The following EBF1 variants were observed in gnomAD, a reference collection of about 807,000 sequenced individuals.
EBF1 encodes EBF transcription factor 1, also known as transcription factor COE1.
A neutral mutation model predicts 68.4 loss-of-function variants in EBF1; 10 were observed. That is an observed-to-expected ratio of 0.15 (90% CI 0.09 to 0.25). The LOEUF (loss-of-function observed/expected upper bound fraction) is 0.25. Ranked by LOEUF, EBF1 falls within the 10% of genes least tolerant of loss-of-function variation. EBF1 has a pLI of 1.00. For synonymous variants in EBF1, 298 were observed against 299.8 expected (o/e 0.99, Z 0.06); for missense variants, 509 against 794.4 (o/e 0.64, Z 4.32).
At chr5:158,762,372 C>T (rs1160056561) in intron 10 of EBF1, among the ~76,000 whole-genome samples, 1 of 152,176 alleles carries the variant, frequency 6.6e-6, no homozygotes, top group Non-Finnish European at 1.5e-5. Flanking sequence ...CTACTCATTA[C>T]CTGTAGCATC....
chr5:158,702,583 G>A (rs755687459), intron 15 of EBF1, among the ~76,000 whole-genome samples: 1 of 151,844 alleles, frequency 6.6e-6, no homozygotes, highest in South Asian at 2.1e-4. Flanking sequence ...TGAGAGGGTG[G>A]AATGTGGTCG....
intron 6 of EBF1, among the ~76,000 whole-genome samples, chr5:158,866,025 C>T (rs77787084): frequency 0.021 from 3,210 of 152,268 alleles, 121 homozygotes; most frequent in African/African-American, 0.073. Context: ...ATCAAACTCA[C>T]ACAATGTTAG....
intron 6 of EBF1, among the ~76,000 whole-genome samples, chr5:158,939,023 G>A (rs1041994991): frequency 6.6e-6 from 1 of 152,200 alleles, no homozygotes; most frequent in Admixed American, 6.5e-5. Flanking sequence ...CAGTCTCCAG[G>A]AGAGCAAGAG....
intron 6 of EBF1, among the ~76,000 whole-genome samples, chr5:158,963,446 G>C (rs1753458831): frequency 6.6e-6 from 1 of 152,214 alleles, no homozygotes; most frequent in African/African-American, 2.4e-5. Flanking sequence ...TTCAAGCTTA[G>C]AGAATACTCC....
At chr5:158,714,029 T>G in intron 12 of EBF1, 88 bp downstream of exon 12, 1 of 1,375,140 alleles carries the variant, frequency 7.3e-7, no homozygotes, top group Non-Finnish European at 1.0e-6. Flanking sequence ...GGCTTTTATA[T>G]TGTTTGTGCT....
At chr5:158,887,112 T>C (rs1800213423) in intron 6 of EBF1, among the ~76,000 whole-genome samples, 1 of 152,328 alleles carries the variant, frequency 6.6e-6, no homozygotes, top group South Asian at 2.1e-4. Context: ...GGCACACCAA[T>C]TGGCAAAAAC....
chr5:158,700,573 A>G (rs1172073219), intron 15 of EBF1, among the ~76,000 whole-genome samples: 4 of 150,220 alleles, frequency 2.7e-5, no homozygotes, highest in South Asian at 4.2e-4. Flanking sequence ...CAGGGAGGCC[A>G]CCCTGGGCTC....
At chr5:158,897,086 C>T (rs187085610) in intron 6 of EBF1, among the ~76,000 whole-genome samples, 6 of 152,252 alleles carry the variant, frequency 3.9e-5, no homozygotes, top group African/African-American at 9.6e-5. Flanking sequence ...ATCATTCTTG[C>T]TCTCATTCTA....
At chr5:158,905,622 A>G (rs572792901) in intron 6 of EBF1, among the ~76,000 whole-genome samples, 3 of 152,300 alleles carry the variant, frequency 2.0e-5, no homozygotes, top group Non-Finnish European at 2.9e-5. Flanking sequence ...TTTGGTACTA[A>G]TTTGGTTCAT....
chr5:158,854,294 C>T (rs1793547308), intron 6 of EBF1, among the ~76,000 whole-genome samples: 2 of 152,228 alleles, frequency 1.3e-5, no homozygotes, highest in South Asian at 2.1e-4. Flanking sequence ...CTAAATGGGA[C>T]TCCTCTCATT....
chr5:158,916,250 G>T (rs1807173895), intron 6 of EBF1, among the ~76,000 whole-genome samples: 1 of 152,110 alleles, frequency 6.6e-6, no homozygotes, highest in Non-Finnish European at 1.5e-5. Flanking sequence ...CCCTGTCATG[G>T]ATATCTCAAG....
intron 7 of EBF1, among the ~76,000 whole-genome samples, chr5:158,836,147 T>C (rs1788737841): frequency 6.6e-6 from 1 of 152,134 alleles, no homozygotes; most frequent in African/African-American, 2.4e-5. Context: ...AGGATGACAG[T>C]GAGTTCAGTT....
At chr5:158,947,955 T>C (rs1457814748) in intron 6 of EBF1, among the ~76,000 whole-genome samples, 1 of 152,198 alleles carries the variant, frequency 6.6e-6, no homozygotes, top group Non-Finnish European at 1.5e-5. Flanking sequence ...CTCTTGGTAT[T>C]TACCTCCAGC....
chr5:158,707,832 A>G, intron 15 of EBF1, 147 bp downstream of exon 15: 1 of 1,051,128 alleles, frequency 9.5e-7, no homozygotes, highest in South Asian at 1.7e-5. Flanking sequence ...GAGAGCAAAT[A>G]CAAAGGAACA....
At chr5:158,811,715 T>G (rs1782706116) in intron 8 of EBF1, among the ~76,000 whole-genome samples, 2 of 152,240 alleles carry the variant, frequency 1.3e-5, no homozygotes, top group South Asian at 4.1e-4. Context: ...CACTGAGTTC[T>G]GTTAGCTCAT....
intron 5 of EBF1, chr5:159,073,784 A>C (rs537896511): frequency 6.0e-4 from 175 of 290,016 alleles, no homozygotes; most frequent in Non-Finnish European, 9.7e-4. Context: ...CTGTTATTGC[A>C]TCTACCCAAT....
intron 6 of EBF1, among the ~76,000 whole-genome samples, chr5:158,902,917 T>C (rs1323950066): frequency 6.6e-6 from 1 of 152,152 alleles, no homozygotes; most frequent in Non-Finnish European, 1.5e-5. Flanking sequence ...CTTTGCTGGG[T>C]AGAGCCAAAG....
At chr5:158,768,449 A>G (rs1042302785) in intron 10 of EBF1, among the ~76,000 whole-genome samples, 3 of 152,164 alleles carry the variant, frequency 2.0e-5, no homozygotes, top group African/African-American at 7.2e-5. Context: ...ACTGCAAAAT[A>G]TATATCATTA....
Position 158,928,442 on chromosome 5 carries a change from G to C in EBF1, c.555-88332C>G, listed in dbSNP as rs146667052. Among the ~76,000 whole-genome samples, 57 of 152,228 alleles carry C rather than the reference G, an allele frequency of 3.7e-4. No homozygotes were observed. The East Asian group carries it at 9.8e-3, about 26-fold the overall frequency. On this transcript the variant is annotated intron_variant, in intron 6 of 15. Transcript: ENST00000313708. ...TGCCCACATCTGGATGATAAAATGTGATTCTTATGAAAAAAAATAATTTTT... is the reference window on the plus strand; with the variant it reads ...TGCCCACATCTGGATGATAAAATGTCATTCTTATGAAAAAAAATAATTTTT...
Sources: allele counts gnomAD v4.1 joint callset (sites outside exome capture counted in the v4.1 genomes callset), GRCh38; gene constraint gnomAD v4.1.1; transcripts MANE v1.5; gene names NCBI Gene and HGNC (gene_info 2026-07-23, HGNC 2026-07-21).